RAB3C: variants seen among roughly 807,000 people sequenced by gnomAD.
The protein encoded by RAB3C is RAB3C, member RAS oncogene family.
RAB3C carries 17 observed loss-of-function variants against 26.4 expected under a neutral mutation model. That is an observed-to-expected ratio of 0.64 (90% confidence interval 0.44 to 0.97). The LOEUF is 0.97. RAB3C is among the 50% of genes least tolerant of loss of function. The probability of loss-of-function intolerance (pLI) is 0.00; values close to 1 mark genes in which losing one functional copy is unlikely to be tolerated. For synonymous variants in RAB3C, 91 were observed against 95.9 expected (o/e 0.95, Z 0.30); for missense variants, 242 against 281.9 (o/e 0.86, Z 1.01).
chr5:58,717,820 T>C (rs1163946904), intron 2 of RAB3C, among the ~76,000 whole-genome samples: 3 of 152,068 alleles, frequency 2.0e-5, no homozygotes, highest in African/African-American at 7.2e-5. Flanking sequence ...TCTCTCCAGG[T>C]ATCAAGTACT....
At chr5:58,825,216 A>G in intron 4 of RAB3C, 54 bp downstream of exon 4, 1 of 1,546,470 alleles carries the variant, frequency 6.5e-7, no homozygotes, top group Non-Finnish European at 8.8e-7. Flanking sequence ...ATTATATGTA[A>G]CTCTGTACAG....
intron 2 of RAB3C, among the ~76,000 whole-genome samples, chr5:58,717,381 T>G (rs1034979972): frequency 6.6e-6 from 1 of 152,226 alleles, no homozygotes; most frequent in Non-Finnish European, 1.5e-5. Flanking sequence ...TGACTGTACG[T>G]AACCTGATGT....
Position 58,853,254 on chromosome 5 carries a change from C to T in RAB3C, c.*1903C>T, listed in dbSNP as rs576916102. The T allele has an allele frequency of 1.5e-4, 23 of 152,250 alleles. 1 individual carries two copies. The South Asian group carries it at 4.8e-3, about 32-fold the overall frequency. 9.4% of individuals were successfully genotyped at this position (152,250 alleles called of 1,614,324 possible). On this transcript the variant is annotated 3_prime_UTR_variant, in exon 5 of 5. Transcript: ENST00000282878. ...GGCATAAAAACAGATTTGTTTGTAG[C>T]AGTAGTCTGTTTGTACAATGTTATA...
chr5:58,637,267 T>A (rs1409251451), intron 2 of RAB3C, among the ~76,000 whole-genome samples: 5 of 152,138 alleles, frequency 3.3e-5, no homozygotes, highest in Admixed American at 3.3e-4. Context: ...AAAACAAGTG[T>A]TGAACATTCA....
At chr5:58,778,519 A>G (rs1211089814) in intron 3 of RAB3C, among the ~76,000 whole-genome samples, 4 of 152,168 alleles carry the variant, frequency 2.6e-5, no homozygotes, top group South Asian at 4.1e-4. Flanking sequence ...CCAGTGCTGC[A>G]TGAGTTGAAA....
intron 1 of RAB3C, among the ~76,000 whole-genome samples, chr5:58,594,433 T>G (rs1746200521): frequency 1.3e-5 from 2 of 152,030 alleles, no homozygotes; most frequent in South Asian, 4.1e-4. Context: ...TGTGCATGGG[T>G]GGGTTTGTTC....
At position 58,695,740 on chromosome 5, in the gene RAB3C, A is replaced by G. The variant is rs537638228; in HGVS notation, c.253-30262A>G. On this transcript the variant is annotated intron_variant, in intron 2 of 4. Transcript: ENST00000282878. ...CTCTCTGTTTGTCTGTTATTGGTGT[A>G]TAGGAATGCTTGTGTTTTTTGCACA... Among the ~76,000 whole-genome samples, 14 of 152,282 alleles carry G rather than the reference A, an allele frequency of 9.2e-5. No homozygotes were observed. In the South Asian group the frequency reaches 2.1e-3, roughly 23 times the overall value.
intron 2 of RAB3C, among the ~76,000 whole-genome samples, chr5:58,669,310 C>T (rs1161922578): frequency 2.0e-5 from 3 of 152,056 alleles, no homozygotes; most frequent in Non-Finnish European, 4.4e-5. Context: ...GGTATCATTT[C>T]CCATCAAGAA....
intron 3 of RAB3C, among the ~76,000 whole-genome samples, chr5:58,787,912 G>C (rs1742427982): frequency 6.6e-6 from 1 of 152,198 alleles, no homozygotes; most frequent in Non-Finnish European, 1.5e-5. Flanking sequence ...TTGTTGGCTA[G>C]GGATTCCAAA....
chr5:58,738,014 T>A (rs1386723712), intron 3 of RAB3C, among the ~76,000 whole-genome samples: 1 of 152,248 alleles, frequency 6.6e-6, no homozygotes, highest in Non-Finnish European at 1.5e-5. Flanking sequence ...GATGGGGGTA[T>A]ATTTGCAGTA....
intron 3 of RAB3C, among the ~76,000 whole-genome samples, chr5:58,780,704 G>C (rs992220148): frequency 6.6e-6 from 1 of 152,174 alleles, no homozygotes; most frequent in African/African-American, 2.4e-5. Context: ...CCCTAGACAG[G>C]GTGAGCCTAT....
intron 3 of RAB3C, among the ~76,000 whole-genome samples, chr5:58,818,585 T>G (rs12659577): frequency 0.23 from 35,691 of 152,146 alleles, 5,170 homozygotes; most frequent in Non-Finnish European, 0.32. Context: ...AAGGTCTGAG[T>G]TAACTGCCAT....
chr5:58,667,573 G>A lies in RAB3C; in HGVS notation c.252+49703G>A, dbSNP rs182108523. The stretch of plus-strand genomic sequence containing the variant: ...TTTGCTTAAGCAGCTGCTTTTGTGT[G>A]CCTGTTATATGGAGCCATACAAAAT... On this transcript the variant is annotated intron_variant, in intron 2 of 4. Coordinates refer to ENST00000282878, the MANE Select transcript of RAB3C (RefSeq NM_138453.4). 4.1e-4 allele frequency among the ~76,000 whole-genome samples: 63 copies of A among 152,232 alleles called. 2 individuals are homozygous for A. The highest frequency in any genetic ancestry group is 3.9e-3 in the Admixed American group (59 of 15,286).
intron 3 of RAB3C, chr5:58,794,561 C>T (rs575589112): frequency 1.3e-5 from 2 of 152,020 alleles, no homozygotes; most frequent in African/African-American, 2.4e-5. Flanking sequence ...TACTAAACCT[C>T]AAATGCCAGT....
intron 2 of RAB3C, among the ~76,000 whole-genome samples, chr5:58,660,200 T>C (rs1747872250): frequency 6.7e-6 from 1 of 150,154 alleles, no homozygotes; most frequent in African/African-American, 2.5e-5. Context: ...TTCCTATCTA[T>C]GCAAGGTAGA....
At chr5:58,734,361 G>T (rs1741090334) in intron 3 of RAB3C, among the ~76,000 whole-genome samples, 1 of 152,184 alleles carries the variant, frequency 6.6e-6, no homozygotes, top group African/African-American at 2.4e-5. Flanking sequence ...CTAGCTCAAG[G>T]CTCCTATCAA....
At chr5:58,676,664 G>T (rs1308286094) in intron 2 of RAB3C, among the ~76,000 whole-genome samples, 6 of 152,060 alleles carry the variant, frequency 3.9e-5, no homozygotes, top group African/African-American at 1.4e-4. Context: ...AGCATGTCCT[G>T]CATTGATGAC....
chr5:58,597,092 TAA>T (rs377070104), intron 1 of RAB3C, among the ~76,000 whole-genome samples: 1 of 33,034 alleles, frequency 3.0e-5, no homozygotes, highest in Non-Finnish European at 5.7e-5. Flanking sequence ...ATATAATACA[TAA>T]TATATATTAT....
intron 2 of RAB3C, among the ~76,000 whole-genome samples, chr5:58,654,512 AG>A (rs1019158442): frequency 6.6e-6 from 1 of 152,190 alleles, no homozygotes; most frequent in Non-Finnish European, 1.5e-5. Context: ...TATTACAAAG[AG>A]GTTGCTTAAA....
Sources: gnomAD v4.1 joint callset for allele counts (sites outside exome capture counted in the v4.1 genomes callset) on GRCh38, gnomAD v4.1.1 for gene constraint, MANE v1.5 for transcripts, NCBI Gene and HGNC (gene_info 2026-07-23, HGNC 2026-07-21) for gene names.